The following RPH3A variants were observed in gnomAD, a reference collection of about 807,000 sequenced individuals.
The protein encoded by RPH3A is rabphilin-3A.
RPH3A carries 48 observed loss-of-function variants against 102.2 expected under a neutral mutation model. That is an observed-to-expected ratio of 0.47 (90% confidence interval 0.37 to 0.60). The LOEUF (loss-of-function observed/expected upper bound fraction) is 0.60, where lower values mean the gene tolerates loss of function less well. Ranked by LOEUF, RPH3A falls within the 20% of genes least tolerant of loss-of-function variation. The pLI is 0.00. For synonymous variants in RPH3A, 310 were observed against 324.3 expected, an observed-to-expected ratio of 0.96 and a Z score of 0.47; for missense variants, 781 against 910.1, an observed-to-expected ratio of 0.86 and a Z score of 1.83.
intron 4 of RPH3A, among the ~76,000 whole-genome samples, chr12:112,839,280 G>A (rs1207954128): frequency 6.6e-6 from 1 of 152,028 alleles, no homozygotes; most frequent in African/African-American, 2.4e-5. Context: ...GTAAAATAAG[G>A]GTAGGAAGTC....
intron 1 of RPH3A, among the ~76,000 whole-genome samples, chr12:112,640,512 C>G (rs895253974): frequency 6.6e-6 from 1 of 151,920 alleles, no homozygotes; most frequent in African/African-American, 2.4e-5. Flanking sequence ...CCTCTACACT[C>G]TCTTCTCTTT....
intron 1 of RPH3A, among the ~76,000 whole-genome samples, chr12:112,718,890 T>G (rs1444377974): frequency 6.6e-6 from 1 of 152,264 alleles, no homozygotes; most frequent in Non-Finnish European, 1.5e-5. Context: ...GCCATGTGTT[T>G]GCTGTCCTTG....
chr12:112,631,467 G>C (rs1464843559), intron 1 of RPH3A, among the ~76,000 whole-genome samples: 1 of 152,002 alleles, frequency 6.6e-6, no homozygotes, highest in African/African-American at 2.4e-5. Flanking sequence ...CTTTTTCTCA[G>C]AAGTTCAAAC....
intron 16 of RPH3A, among the ~76,000 whole-genome samples, chr12:112,885,332 A>G (rs1264507509): frequency 6.6e-6 from 1 of 152,236 alleles, no homozygotes; most frequent in African/African-American, 2.4e-5. Context: ...TCAGCCATGC[A>G]TGGGAGTTCC....
At chr12:112,726,143 C>CT (rs1051674928) in intron 1 of RPH3A, among the ~76,000 whole-genome samples, 9 of 150,720 alleles carry the variant, frequency 6.0e-5, no homozygotes, top group Non-Finnish European at 1.2e-4. Flanking sequence ...GGGATGGAGT[C>CT]TTACTCTGTT....
chr12:112,654,556 C>T (rs554421672), intron 1 of RPH3A, among the ~76,000 whole-genome samples: 8 of 152,126 alleles, frequency 5.3e-5, no homozygotes, highest in Non-Finnish European at 8.8e-5. Context: ...ATTTTTGCAA[C>T]CTCCCCATTC....
At chr12:112,890,804 G>GC (rs2043080367) in intron 18 of RPH3A, 45 bp from the exon 19 acceptor site, 1 of 1,594,460 alleles carries the variant, frequency 6.3e-7, no homozygotes, top group Non-Finnish European at 8.6e-7. Flanking sequence ...ACATTTCCTG[G>GC]CCCCCTCCCC....
intron 1 of RPH3A, among the ~76,000 whole-genome samples, chr12:112,595,140 C>T (rs1215482042): frequency 7.4e-6 from 1 of 135,384 alleles, no homozygotes; most frequent in Non-Finnish European, 1.5e-5. Context: ...ATTTTTCTCA[C>T]CTGTAAAATA....
chr12:112,890,061 T>C lies in RPH3A; in HGVS notation c.1601T>C (p.Met534Thr). ...GGGACCACCGGGTCAGCCCGAGGCA[T>C]GGCCCTTTATGAGGAAGAGGTGAGC... ...RAGTTGSARG[M>T]ALYEEEQVER... The change falls in exon 18 of 22, where the codon ATG (methionine) becomes ACG (threonine). Residue 534 changes from methionine to threonine, a missense_variant. Transcript: ENST00000389385. 1 of 1,613,776 alleles carries C rather than the reference T, an allele frequency of 6.2e-7. No individual in the cohort carries two copies. Among genetic ancestry groups the C allele is most frequent in the Non-Finnish European group, 8.5e-7 (1 of 1,180,002 alleles).
In RPH3A at chr12:112,880,333, G is replaced by A. The variant is rs540742592; in HGVS notation, c.1251+1135G>A. On this transcript the variant is annotated intron_variant, in intron 14 of 21. Transcript: ENST00000389385. ...TTATCACTGTGGCAAGCACTTAGAAGCACTTAACACTGCCCCTCCACCCCC... is the reference window on the plus strand; with the variant it reads ...TTATCACTGTGGCAAGCACTTAGAAACACTTAACACTGCCCCTCCACCCCC... Among the ~76,000 whole-genome samples the A allele has an allele frequency of 1.8e-4, 27 of 152,274 alleles. 1 individual carries two copies. The highest frequency in any genetic ancestry group is 1.6e-3 in the Admixed American group (25 of 15,292).
intron 1 of RPH3A, among the ~76,000 whole-genome samples, chr12:112,716,500 G>A (rs781647939): frequency 7.2e-5 from 11 of 152,214 alleles, no homozygotes; most frequent in Non-Finnish European, 1.5e-4. Flanking sequence ...CAGGAGGATG[G>A]ATGCCTCTGC....
intron 5 of RPH3A, among the ~76,000 whole-genome samples, chr12:112,862,200 A>G (rs1344832419): frequency 2.0e-5 from 3 of 151,354 alleles, no homozygotes; most frequent in Non-Finnish European, 2.9e-5. Context: ...AGATCGTACC[A>G]TTGCACTTCA....
chr12:112,887,684 TA>T, intron 16 of RPH3A, 112 bp from the exon 17 acceptor site: 1 of 1,147,648 alleles, frequency 8.7e-7, no homozygotes, highest in Non-Finnish European at 1.2e-6. Context: ...GAAATCATAT[TA>T]TTTCCACATA....
intron 18 of RPH3A, 141 bp downstream of exon 18, chr12:112,890,221 C>G (rs2043070220): frequency 2.3e-5 from 17 of 745,846 alleles, no homozygotes; most frequent in East Asian, 1.8e-4. Context: ...TGAGAACAAC[C>G]CTTTGCCCAC....
intron 1 of RPH3A, among the ~76,000 whole-genome samples, chr12:112,684,317 G>T (rs1470975575): frequency 6.6e-6 from 1 of 152,128 alleles, no homozygotes. Context: ...GGAGTGCAGT[G>T]GTACAATCTC....
At chr12:112,580,301 C>T (rs2039388481) in intron 1 of RPH3A, among the ~76,000 whole-genome samples, 1 of 151,864 alleles carries the variant, frequency 6.6e-6, no homozygotes, top group Non-Finnish European at 1.5e-5. Context: ...CTTTCCATCT[C>T]CCACGCCCTT....
chr12:112,878,928 T>C (rs1427314110), intron 13 of RPH3A, among the ~76,000 whole-genome samples, 191 bp from the exon 14 acceptor site: 10 of 152,316 alleles, frequency 6.6e-5, no homozygotes, highest in South Asian at 4.1e-4. Context: ...GATGAACTGA[T>C]CACAGATGTC....
chr12:112,836,544 T>C, intron 4 of RPH3A, 42 bp downstream of exon 4: 1 of 1,082,354 alleles, frequency 9.2e-7, no homozygotes, highest in Non-Finnish European at 1.3e-6. Flanking sequence ...TTTTACAAAC[T>C]GTATTTTATC....
intron 4 of RPH3A, among the ~76,000 whole-genome samples, chr12:112,839,416 C>T (rs2042107022): frequency 6.6e-6 from 1 of 152,094 alleles, no homozygotes; most frequent in African/African-American, 2.4e-5. Flanking sequence ...GGGATCTGGG[C>T]TTGGTGAGTG....
Sources: gnomAD v4.1 joint callset for allele counts (sites outside exome capture counted in the v4.1 genomes callset) on GRCh38, gnomAD v4.1.1 for gene constraint, MANE v1.5 for transcripts, NCBI Gene and HGNC (gene_info 2026-07-23, HGNC 2026-07-21) for gene names.